ABLIM1: variants seen among roughly 807,000 people sequenced by gnomAD.
The protein encoded by ABLIM1 is actin binding LIM protein 1, also known as actin-binding LIM protein 1.
A neutral mutation model predicts 107.0 loss-of-function variants in ABLIM1; 40 were observed. The ratio of observed to expected loss-of-function variants is 0.37; its 90% CI spans 0.29 to 0.49. The LOEUF (loss-of-function observed/expected upper bound fraction) is 0.49, where lower values mean the gene tolerates loss of function less well. Among genes scored for constraint, ABLIM1 ranks in the 20% least tolerant of loss-of-function variants. ABLIM1 has a pLI of 0.97. For missense variants in ABLIM1, 857 were observed against 1,008.5 expected (o/e 0.85, Z 2.04); for synonymous variants, 357 against 357.3 (o/e 1.00, Z 0.01).
chr10:114,669,496 T>C (rs1169061158), intron 1 of ABLIM1, among the ~76,000 whole-genome samples: 1 of 152,230 alleles, frequency 6.6e-6, no homozygotes, highest in Non-Finnish European at 1.5e-5. Context: ...TTTATGATTA[T>C]AAATGTGCAA....
At chr10:114,464,524 C>G (rs1016551693) in intron 12 of ABLIM1, among the ~76,000 whole-genome samples, 3 of 151,996 alleles carry the variant, frequency 2.0e-5, no homozygotes, top group African/African-American at 2.4e-5. Context: ...TGGACAAAGG[C>G]TTAAATCGGG....
At chr10:114,572,559 C>T (rs114051441) in intron 3 of ABLIM1, among the ~76,000 whole-genome samples, 2,234 of 152,222 alleles carry the variant, frequency 0.015, 47 homozygotes, top group African/African-American at 0.05. Flanking sequence ...GTGTCACTTT[C>T]GGCAGTACAG....
chr10:114,496,914 C>G (rs984987628), intron 6 of ABLIM1, among the ~76,000 whole-genome samples: 16 of 152,258 alleles, frequency 1.1e-4, no homozygotes, highest in African/African-American at 3.8e-4. Context: ...CCTTCTGTTT[C>G]ATTTCTCCTT....
At chr10:114,673,194 G>A (rs2080327537) in intron 1 of ABLIM1, among the ~76,000 whole-genome samples, 1 of 150,182 alleles carries the variant, frequency 6.7e-6, no homozygotes. Context: ...GGAGGTGGAG[G>A]TTGCAGTGAG....
intron 1 of ABLIM1, among the ~76,000 whole-genome samples, chr10:114,708,883 G>T (rs75085044): frequency 0.022 from 3,403 of 152,236 alleles, 59 homozygotes; most frequent in Non-Finnish European, 0.032. Context: ...ACCAAAAAGT[G>T]ATATTTTAAT....
chr10:114,660,195 A>C (rs530146431), upstream of ABLIM1, among the ~76,000 whole-genome samples: 2 of 152,204 alleles, frequency 1.3e-5, no homozygotes, highest in South Asian at 4.1e-4. Flanking sequence ...CTTCCTCTAA[A>C]AACAGTTTAC....
intron 1 of ABLIM1, among the ~76,000 whole-genome samples, chr10:114,609,864 C>T (rs1384408912): frequency 1.3e-5 from 2 of 152,130 alleles, no homozygotes; most frequent in Admixed American, 6.5e-5. Flanking sequence ...GTCACAATTG[C>T]CGTAGGAGGG....
At chr10:114,719,973 A>G (rs909940568) in intron 1 of ABLIM1, among the ~76,000 whole-genome samples, 1 of 152,114 alleles carries the variant, frequency 6.6e-6, no homozygotes, top group African/African-American at 2.4e-5. Context: ...TCAACCCATC[A>G]CCTAGGTATT....
chr10:114,718,954 G>A (rs762999322), intron 1 of ABLIM1, among the ~76,000 whole-genome samples: 4 of 152,202 alleles, frequency 2.6e-5, no homozygotes, highest in Admixed American at 6.5e-5. Context: ...AGGAGTATAA[G>A]TGGGGCCTAT....
chr10:114,787,809 ACGACCCCGTCTGGGAGGTTTAC>A, the ABLIM1 span, among the ~76,000 whole-genome samples: 1 of 141,008 alleles, frequency 7.1e-6, no homozygotes, highest in Non-Finnish European at 1.6e-5. Flanking sequence ...CTGCCCGGCC[ACGACCCCGTCTGGGAGGTTTAC>A]CCAACAGCTC....
chr10:114,728,491 A>T (rs2082005528), intron 1 of ABLIM1, among the ~76,000 whole-genome samples: 1 of 148,390 alleles, frequency 6.7e-6, no homozygotes, highest in Non-Finnish European at 1.5e-5. Flanking sequence ...AAATAATGAC[A>T]TAGTCATAAA....
intron 6 of ABLIM1, among the ~76,000 whole-genome samples, chr10:114,520,240 A>G (rs7084785): frequency 0.013 from 1,996 of 152,294 alleles, 48 homozygotes; most frequent in African/African-American, 0.046. Context: ...CATTACATTT[A>G]TATGTCGACA....
At chr10:114,622,289 C>T (rs866949457) in intron 1 of ABLIM1, among the ~76,000 whole-genome samples, 6 of 150,558 alleles carry the variant, frequency 4.0e-5, no homozygotes, top group South Asian at 4.2e-4. Flanking sequence ...CTCTATTGCC[C>T]GGGCTGGAGT....
chr10:114,524,570 TACAA>T (rs758370521), intron 6 of ABLIM1, among the ~76,000 whole-genome samples: 7 of 151,932 alleles, frequency 4.6e-5, no homozygotes, highest in South Asian at 2.1e-4. Flanking sequence ...AAACCCACAT[TACAA>T]ACAAACAAAC....
chr10:114,621,813 A>T (rs1277936950), intron 1 of ABLIM1, among the ~76,000 whole-genome samples: 1 of 152,234 alleles, frequency 6.6e-6, no homozygotes, highest in Admixed American at 6.5e-5. Flanking sequence ...AGACCTCAAG[A>T]AAATTGTAAT....
At chr10:114,476,676 T>C (rs1590161747) in intron 8 of ABLIM1, among the ~76,000 whole-genome samples, 1 of 149,938 alleles carries the variant, frequency 6.7e-6, no homozygotes, top group East Asian at 1.9e-4. Context: ...ATAATAATAA[T>C]AATAAAGTGC....
intron 2 of ABLIM1, among the ~76,000 whole-genome samples, chr10:114,578,113 G>A (rs1024589820): frequency 6.6e-6 from 1 of 152,100 alleles, no homozygotes; most frequent in African/African-American, 2.4e-5. Flanking sequence ...CCTGGGAACA[G>A]ATCTCATTCA....
intron 16 of ABLIM1, 134 bp downstream of exon 16, chr10:114,445,178 C>A (rs1238494320): frequency 2.7e-6 from 2 of 744,388 alleles, no homozygotes; most frequent in East Asian, 2.5e-5. Flanking sequence ...GCCTTGCCTG[C>A]CAGATTTCAA....
At chr10:114,600,698 C>T (rs1047005916) in intron 2 of ABLIM1, among the ~76,000 whole-genome samples, 1 of 152,018 alleles carries the variant, frequency 6.6e-6, no homozygotes, top group African/African-American at 2.4e-5. Context: ...GGGTCCTTAC[C>T]CCGTGCAGGG....
Sources: allele counts gnomAD v4.1 joint callset (sites outside exome capture counted in the v4.1 genomes callset), GRCh38; gene constraint gnomAD v4.1.1; transcripts MANE v1.5; gene names NCBI Gene and HGNC (gene_info 2026-07-23, HGNC 2026-07-21).